Variants in SELENON observed in about 807,000 individuals in gnomAD.
SELENON encodes the protein selenoprotein N, 1.
A neutral mutation model predicts 59.5 loss-of-function variants in SELENON; 44 were observed. The observed-to-expected ratio is 0.74, with a 90% CI of 0.58 to 0.95. The LOEUF is 0.95. SELENON is among the 40% of genes least tolerant of loss of function. SELENON has a pLI of 0.00. For missense variants in SELENON, 674 were observed against 721.4 expected, an observed-to-expected ratio of 0.93 and a Z score of 0.75; for synonymous variants, 320 against 305.6, an observed-to-expected ratio of 1.05 and a Z score of -0.49.
In SELENON at chr1:25,805,235, T is replaced by C. The variant is rs779792174; in HGVS notation, c.497T>C (p.Leu166Pro). 6.2e-7 allele frequency: 1 copy of C among 1,614,160 alleles called. No homozygotes were observed. Among genetic ancestry groups the C allele is most frequent in the Non-Finnish European group, 8.5e-7 (1 of 1,180,038 alleles). ...ATAGAAGCCCGATTCCAGCCTCTGCTCCCGGAGACCATGACCAAGAGCAAA... is the reference window on the plus strand; with the variant it reads ...ATAGAAGCCCGATTCCAGCCTCTGCCCCCGGAGACCATGACCAAGAGCAAA... The change falls in exon 4 of 13, where the codon CTC becomes CCC. Residue 166 changes from leucine (L) to proline (P), a missense_variant. Transcript: ENST00000361547.
rs2048008409 is a variant in SELENON, at chr1:25,816,055, G to C, written c.*337G>C. 2.2e-5 allele frequency: 5 copies of C among 231,248 alleles called. No individual in the cohort carries two copies. The South Asian group carries it at 4.5e-4, about 21-fold the overall frequency. 14.3% of individuals were successfully genotyped at this position (231,248 alleles called of 1,614,324 possible). A position where few individuals can be genotyped will look rare whatever the true frequency, so the allele number is the denominator to read the frequency against. ...CAGCCGCACAGTCTAGGCCCTTGTG[G>C]GGTGAAGAATGGAGGGAGGAGCAGG... On this transcript the variant is annotated 3_prime_UTR_variant, in exon 13 of 13. Coordinates refer to ENST00000361547, the MANE Select transcript of SELENON (RefSeq NM_020451.3).
chr1:25,814,748 CT>C (rs2047996071), intron 12 of SELENON, among the ~76,000 whole-genome samples: 1 of 152,196 alleles, frequency 6.6e-6, no homozygotes, highest in African/African-American at 2.4e-5. Flanking sequence ...GAGGCCTGCC[CT>C]TGAGCCTCAG....
rs773311772 is a variant in SELENON at position 25,805,281 on chromosome 1, T to C, written c.537+6T>C. On this transcript the variant is annotated splice_donor_region_variant and intron_variant, in intron 4 of 12. Coordinates refer to ENST00000361547, the MANE Select transcript of SELENON (RefSeq NM_020451.3). ...GCAAAGATGGCTTCCTAGGGGTGAG[T>C]TGGGGACCACAGGCAGTGGGGTCAT... is the stretch of plus-strand genomic sequence containing the variant. 6.2e-6 allele frequency: 10 copies of C among 1,613,878 alleles called. No individual in the cohort carries two copies. The highest frequency in any genetic ancestry group is 1.1e-5 in the South Asian group (1 of 91,068).
chr1:25,813,832 C>T (rs538978366), intron 10 of SELENON, 49 bp from the exon 10 acceptor site: 10 of 1,443,502 alleles, frequency 6.9e-6, no homozygotes, highest in South Asian at 5.7e-5. Context: ...AGCAAGATTG[C>T]ACCCCAGCAA....
At position 25,815,675 on chromosome 1, in the gene SELENON, T is replaced by C. The variant is rs1214297046; in HGVS notation, c.1730T>C (p.Leu577Pro). ...TCCACGGCCACCTACATGCAGTTCCTGAAGGAGGGACTCCGGCGTGGCCTG... is the reference window on the plus strand; with the variant it reads ...TCCACGGCCACCTACATGCAGTTCCCGAAGGAGGGACTCCGGCGTGGCCTG... The change falls in exon 13 of 13, where the codon CTG becomes CCG. Residue 577 changes from leucine (L) to proline (P), a missense_variant. By Grantham distance (98) the Leu-to-Pro change is moderately conservative (BLOSUM62 -3). Transcript: ENST00000361547. 3.7e-6 allele frequency: 6 copies of C among 1,614,060 alleles called. No individual in the cohort carries two copies. The highest frequency in any genetic ancestry group is 3.3e-5 in the Admixed American group (2 of 60,000).
In SELENON at chr1:25,807,752, C is replaced by G. The variant is rs976651912; in HGVS notation, c.538-828C>G. ...TCCTACCTCCCACCAAGCCTGAGCT[C>G]CTGCTGCCAGGGAGGTGGCGACAGA... is the stretch of plus-strand genomic sequence containing the variant. On this transcript the variant is annotated intron_variant, in intron 4 of 12. Transcript: ENST00000361547. This position sits in a 1 kb window ranked among gnomAD's most constrained non-coding sequence, Gnocchi z 4.5. Among the ~76,000 whole-genome samples the G allele has an allele frequency of 1.3e-5, 2 of 152,228 alleles. No homozygotes were observed. Among genetic ancestry groups the G allele is most frequent in the African/African-American group, 4.8e-5 (2 of 41,468 alleles).
intron 9 of SELENON, 113 bp from the exon 9 acceptor site, chr1:25,812,564 AACACACACAC>A (rs59333545): frequency 0.036 from 20,429 of 567,700 alleles, 87 homozygotes; most frequent in African/African-American, 0.067. Flanking sequence ...CCTACACACA[AACACACACAC>A]ACACACACAC....
In SELENON at chr1:25,800,216, CCGCCAG is replaced by C; in HGVS notation, c.-13_-8del. The C allele has an allele frequency of 1.5e-6, 1 of 669,354 alleles. No individual in the cohort carries two copies. The highest frequency in any genetic ancestry group is 1.8e-6 in the Non-Finnish European group (1 of 543,890). The allele number at this position is 669,354 out of a possible 1,614,324, so 41.5% of individuals were successfully genotyped here. A position where few individuals can be genotyped will look rare whatever the true frequency, so the allele number is the denominator to read the frequency against. Reference sequence around the variant, plus strand: ...TCGCTTCCCGGGCCGCCGGCAGCCGCCGCCAGCCGCAGCCATGGGCCGGGCCCGGCC... The same window carrying C: ...TCGCTTCCCGGGCCGCCGGCAGCCGCCCGCAGCCATGGGCCGGGCCCGGCC... On this transcript the variant is annotated 5_prime_UTR_variant, in exon 1 of 13. Transcript: ENST00000361547.
At chr1:25,803,708 G>GTTT (rs11410896) in intron 3 of SELENON, among the ~76,000 whole-genome samples, 11 of 149,814 alleles carry the variant, frequency 7.3e-5, no homozygotes, top group Non-Finnish European at 1.5e-4. Flanking sequence ...TGTTTTTTTT[G>GTTT]TTTTTTTGTT....
chr1:25,805,937 A>G (rs990941042), intron 4 of SELENON, among the ~76,000 whole-genome samples: 1 of 150,554 alleles, frequency 6.6e-6, no homozygotes. Context: ...ACTCTCTCCC[A>G]CTCTCTCCTC....
In SELENON at chr1:25,800,312, G is replaced by A. The variant is rs1286430947; in HGVS notation, c.82G>A (p.Ala28Thr). The change falls in exon 1 of 13, where the codon GCC becomes ACC. Residue 28 changes from alanine (A) to threonine (T), a missense_variant. Physicochemically the swap from Ala to Thr is moderately conservative, Grantham distance 58 (BLOSUM62 0). Transcript: ENST00000361547. ...GCCTCCCGCGCCACCGCGCCGCCGC[G>A]CCCGTTCCCTGGCGCTGCTCGGAGC... The A allele has an allele frequency of 1.0e-6, 1 of 998,650 alleles. No homozygotes were observed. The highest frequency in any genetic ancestry group is 1.2e-6 in the Non-Finnish European group (1 of 839,252). 61.9% of individuals were successfully genotyped at this position (998,650 alleles called of 1,614,324 possible). A position where few individuals can be genotyped will look rare whatever the true frequency, so the allele number is the denominator to read the frequency against.
Position 25,800,332 on chromosome 1 carries a change from C to A in SELENON, c.102C>A (p.Leu34=). 9.9e-7 allele frequency: 1 copy of A among 1,011,156 alleles called. No individual in the cohort carries two copies. Among genetic ancestry groups the A allele is most frequent in the Non-Finnish European group, 1.2e-6 (1 of 848,074 alleles). 62.6% of individuals were successfully genotyped at this position (1,011,156 alleles called of 1,614,324 possible). Residue 34 remains leucine (L), a synonymous_variant, in exon 1 of 13, where the codon CTC becomes CTA. Transcript: ENST00000361547. ...GCCGCGCCCGTTCCCTGGCGCTGCT[C>A]GGAGCCCTGCTGGCCGCCGCCGCTG...
intron 2 of SELENON, among the ~76,000 whole-genome samples, chr1:25,801,426 G>A (rs1173145221): frequency 6.6e-6 from 1 of 152,194 alleles, no homozygotes; most frequent in Non-Finnish European, 1.5e-5. Flanking sequence ...CAACACTTTG[G>A]GAGATGGAAG....
intron 10 of SELENON, chr1:25,813,586 G>C (rs552431256): frequency 4.3e-4 from 206 of 481,766 alleles, no homozygotes; most frequent in Non-Finnish European, 7.6e-4. Context: ...TAGAGGAACA[G>C]CCTGTGTGAA....
At position 25,807,012 on chromosome 1, in the gene SELENON, C is replaced by T. The variant is rs140367564; in HGVS notation, c.538-1568C>T. Among the ~76,000 whole-genome samples the T allele has an allele frequency of 1.4e-3, 218 of 152,140 alleles. 1 individual carries two copies. The highest frequency in any genetic ancestry group is 3.4e-3 in the Middle Eastern group (1 of 294). Reference sequence around the variant, plus strand: ...AATTTCTTTGTATTTTTAGTAGAGACGGGGTTTCACCATGTTGACCAGGAT... The same window carrying T: ...AATTTCTTTGTATTTTTAGTAGAGATGGGGTTTCACCATGTTGACCAGGAT... On this transcript the variant is annotated intron_variant, in intron 4 of 12. Transcript: ENST00000361547. This position sits in a 1 kb window ranked among gnomAD's most constrained non-coding sequence, Gnocchi z 4.5.
Position 25,809,044 on chromosome 1 carries a change from C to A in SELENON, c.766C>A (p.Leu256Met), listed in dbSNP as rs1243976161. 6.2e-7 allele frequency: 1 copy of A among 1,613,794 alleles called. No individual in the cohort carries two copies. Among genetic ancestry groups the A allele is most frequent in the East Asian group, 2.2e-5 (1 of 44,888 alleles). ...CCCCCAGGTCATCATCCACCGGCTC[C>A]TGAGCATGTTCCACCCTCGGCCCTT... Residue 256 changes from leucine (L) to methionine (M), a missense_variant, in exon 6 of 13, where the codon CTG (leucine) becomes ATG (methionine). By Grantham distance (15) the Leu-to-Met change is conservative. Coordinates refer to ENST00000361547, the MANE Select transcript of SELENON (RefSeq NM_020451.3).
chr1:25,815,490 C>A, intron 12 of SELENON, 58 bp from the exon 12 acceptor site: 2 of 1,426,916 alleles, frequency 1.4e-6, no homozygotes, highest in Non-Finnish European at 2.0e-6. Flanking sequence ...GAAGAGAGGG[C>A]ACAGGGAGCC....
rs373490430 is a variant in SELENON, at chr1:25,815,753, C to A, written c.*35C>A. The A allele has an allele frequency of 6.2e-7, 1 of 1,608,562 alleles. No homozygotes were observed. The highest frequency in any genetic ancestry group is 8.5e-7 in the Non-Finnish European group (1 of 1,177,802). On this transcript the variant is annotated 3_prime_UTR_variant, in exon 13 of 13. Transcript: ENST00000361547. ...ACGGGATCTGATGCACAGGCCCCCA[C>A]GCCTCAGAGCCAGAGTGGTCCTCAG...
chr1:25,810,510 C>T (rs1332098401), intron 7 of SELENON, among the ~76,000 whole-genome samples: 1 of 152,198 alleles, frequency 6.6e-6, no homozygotes, highest in Non-Finnish European at 1.5e-5. Flanking sequence ...TGGCTGGGAG[C>T]CAGGAGGTCT....
Sources: allele counts gnomAD v4.1 joint callset (sites outside exome capture counted in the v4.1 genomes callset), GRCh38; gene constraint gnomAD v4.1.1; non-coding constraint Gnocchi (gnomAD v3.1); transcripts MANE v1.5; gene names NCBI Gene and HGNC (gene_info 2026-07-23, HGNC 2026-07-21).